CABLES1: variants seen among roughly 807,000 people sequenced by gnomAD.
CABLES1 encodes CDK5 and ABL1 enzyme substrate 1.
In CABLES1, 36 loss-of-function variants were observed where a neutral mutation model predicts 57.8. The ratio of observed to expected loss-of-function variants is 0.62; its 90% CI spans 0.48 to 0.82. CABLES1 has a LOEUF of 0.82. Among genes scored for constraint, CABLES1 ranks in the 40% least tolerant of loss-of-function variants. The probability of loss-of-function intolerance (pLI) is 0.00; values close to 1 mark genes in which losing one functional copy is unlikely to be tolerated. For synonymous variants in CABLES1, 374 were observed against 363.0 expected, an observed-to-expected ratio of 1.03 and a Z score of -0.35; for missense variants, 767 against 836.6, an observed-to-expected ratio of 0.92 and a Z score of 1.03.
rs149512183 is a variant in CABLES1 at position 23,157,663 on chromosome 18, A to G, written c.845+21056A>G. Among the ~76,000 whole-genome samples, 26 of 82,214 alleles carry G rather than the reference A, an allele frequency of 3.2e-4. 1 individual carries two copies. In the East Asian group the frequency reaches 9.2e-3, roughly 29 times the overall value. The allele number at this position is 82,214 out of a possible 152,430, so 53.9% of individuals were successfully genotyped here. On this transcript the variant is annotated intron_variant, in intron 1 of 9. Coordinates refer to ENST00000256925, the MANE Select transcript of CABLES1 (RefSeq NM_001100619.3). ...ATTTTAATACCATTTAAAAAGAAAT[A>G]TTATTATCTCTTCTTAATAATTTCT... is the stretch of plus-strand genomic sequence containing the variant.
chr18:23,212,814 G>A (rs962860170), intron 3 of CABLES1, among the ~76,000 whole-genome samples: 4 of 152,186 alleles, frequency 2.6e-5, no homozygotes, highest in African/African-American at 9.7e-5. Flanking sequence ...AACACTCCGT[G>A]GAGGGGGTAC....
intron 1 of CABLES1, among the ~76,000 whole-genome samples, chr18:23,166,047 A>G (rs907646176): frequency 1.3e-5 from 2 of 152,146 alleles, no homozygotes; most frequent in African/African-American, 4.8e-5. Context: ...AGAAGTTACT[A>G]AATCGCAAGT....
At chr18:23,240,787 C>T (rs1361968793) in intron 7 of CABLES1, among the ~76,000 whole-genome samples, 1 of 152,234 alleles carries the variant, frequency 6.6e-6, no homozygotes, top group East Asian at 1.9e-4. Flanking sequence ...GGACTGTCCT[C>T]CCCTGTTTTG....
At chr18:23,175,405 C>A (rs192680242) in intron 1 of CABLES1, among the ~76,000 whole-genome samples, 1 of 152,206 alleles carries the variant, frequency 6.6e-6, no homozygotes, top group Admixed American at 6.5e-5. Flanking sequence ...TTTTTGACCT[C>A]ATTCCTGGGC....
At chr18:23,251,824 G>A (rs140308410) in intron 7 of CABLES1, among the ~76,000 whole-genome samples, 328 of 152,188 alleles carry the variant, frequency 2.2e-3, no homozygotes, top group African/African-American at 7.5e-3. Context: ...GGTGGCTCAC[G>A]CCTGTAATCC....
intron 3 of CABLES1, among the ~76,000 whole-genome samples, chr18:23,208,313 GA>G (rs765532485): frequency 2.6e-5 from 4 of 152,202 alleles, no homozygotes; most frequent in Non-Finnish European, 4.4e-5. Context: ...TCCTAAGGAG[GA>G]AAAGCGTCCC....
At chr18:23,145,339 C>T (rs112369610) in intron 1 of CABLES1, among the ~76,000 whole-genome samples, 4 of 151,656 alleles carry the variant, frequency 2.6e-5, no homozygotes, top group East Asian at 1.9e-4. Flanking sequence ...GTGATCCACC[C>T]GTCTCGGCCT....
intron 7 of CABLES1, among the ~76,000 whole-genome samples, chr18:23,250,496 C>G (rs74953326): frequency 0.013 from 2,004 of 152,276 alleles, 36 homozygotes; most frequent in African/African-American, 0.044. Context: ...CCCCTTCAAC[C>G]CAGAGATTTA....
chr18:23,135,211 C>G (rs1223813940), upstream of CABLES1, among the ~76,000 whole-genome samples: 1 of 152,144 alleles, frequency 6.6e-6, no homozygotes, highest in Non-Finnish European at 1.5e-5. Flanking sequence ...TCCGCGGCCC[C>G]GGGAGTCGCC....
chr18:23,236,750 C>T (rs1452852234), intron 6 of CABLES1, among the ~76,000 whole-genome samples: 2 of 152,140 alleles, frequency 1.3e-5, no homozygotes, highest in African/African-American at 4.8e-5. Flanking sequence ...GAAGTATTCG[C>T]ACCAAATCGT....
At chr18:23,208,838 G>A (rs1043117149) in intron 3 of CABLES1, among the ~76,000 whole-genome samples, 9 of 152,218 alleles carry the variant, frequency 5.9e-5, no homozygotes, top group African/African-American at 2.2e-4. Flanking sequence ...CCAGCTTCCA[G>A]TGGTGCTGGT....
At chr18:23,192,205 T>A (rs2047249117) in intron 2 of CABLES1, among the ~76,000 whole-genome samples, 1 of 152,196 alleles carries the variant, frequency 6.6e-6, no homozygotes, top group African/African-American at 2.4e-5. Context: ...AATAAGGAGT[T>A]AAGCCGTCTC....
At chr18:23,179,980 G>A (rs1031217448) in intron 1 of CABLES1, among the ~76,000 whole-genome samples, 3 of 152,160 alleles carry the variant, frequency 2.0e-5, no homozygotes, top group Non-Finnish European at 4.4e-5. Context: ...GTGCAGTGGC[G>A]CAATCTTGGC....
chr18:23,177,213 C>T lies in CABLES1; in HGVS notation c.846-11625C>T, dbSNP rs540951203. Among the ~76,000 whole-genome samples, 30 of 152,158 alleles carry T rather than the reference C, an allele frequency of 2.0e-4. No homozygotes were observed. In the South Asian group the frequency reaches 3.7e-3, roughly 19 times the overall value. ...CACAGTGACTGGGGAGGAAGCGAGA[C>T]GGCTCCAGCACAGGCCATTGTCAGG... is the stretch of plus-strand genomic sequence containing the variant. On this transcript the variant is annotated intron_variant, in intron 1 of 9. Transcript: ENST00000256925.
chr18:23,190,813 C>T (rs1045165613), intron 2 of CABLES1, among the ~76,000 whole-genome samples: 3 of 152,122 alleles, frequency 2.0e-5, no homozygotes, highest in African/African-American at 7.2e-5. Flanking sequence ...CAGTGGCTCA[C>T]ACCTATCATC....
At chr18:23,235,832 C>A in intron 5 of CABLES1, 63 bp from the exon 6 acceptor site, 1 of 1,506,074 alleles carries the variant, frequency 6.6e-7, no homozygotes, top group South Asian at 1.2e-5. Flanking sequence ...GTAGCTTGAT[C>A]AGAATGCAGA....
chr18:23,230,436 C>T (rs1225924629), intron 4 of CABLES1, among the ~76,000 whole-genome samples: 1 of 152,144 alleles, frequency 6.6e-6, no homozygotes, highest in Non-Finnish European at 1.5e-5. Context: ...GTTTTGTTTT[C>T]TGTGGACGGC....
intron 1 of CABLES1, among the ~76,000 whole-genome samples, chr18:23,188,378 C>A (rs1165457258): frequency 6.6e-6 from 1 of 152,104 alleles, no homozygotes; most frequent in Non-Finnish European, 1.5e-5. Flanking sequence ...TTTATTGCAT[C>A]CTAATGATTT....
intron 1 of CABLES1, among the ~76,000 whole-genome samples, chr18:23,176,446 C>A (rs1568054564): frequency 6.6e-6 from 1 of 152,170 alleles, no homozygotes; most frequent in Non-Finnish European, 1.5e-5. Context: ...GGCCCCCATT[C>A]CTAATAGGCC....
Sources: allele counts gnomAD v4.1 joint callset (sites outside exome capture counted in the v4.1 genomes callset), GRCh38; gene constraint gnomAD v4.1.1; transcripts MANE v1.5; gene names NCBI Gene and HGNC (gene_info 2026-07-23, HGNC 2026-07-21).